BTRC: variants seen among roughly 807,000 people sequenced by gnomAD.
The protein encoded by BTRC is F-box/WD repeat-containing protein 1A.
In BTRC, 42 loss-of-function variants were observed where a neutral mutation model predicts 85.5. The observed-to-expected ratio is 0.49, with a 90% CI of 0.38 to 0.64. The LOEUF is 0.64. Ranked by LOEUF, BTRC falls within the 30% of genes least tolerant of loss-of-function variation. The probability of loss-of-function intolerance (pLI) is 0.00; values close to 1 mark genes in which losing one functional copy is unlikely to be tolerated. For missense variants in BTRC, 594 were observed against 743.5 expected, an observed-to-expected ratio of 0.80 and a Z score of 2.34; for synonymous variants, 255 against 263.3, an observed-to-expected ratio of 0.97 and a Z score of 0.30.
chr10:101,473,086 A>C (rs557547890), intron 3 of BTRC, among the ~76,000 whole-genome samples: 1 of 151,476 alleles, frequency 6.6e-6, no homozygotes, highest in African/African-American at 2.4e-5. Context: ...CCAGCCACGC[A>C]TATATTCTAG....
chr10:101,501,187 CA>C (rs61126147), intron 4 of BTRC, among the ~76,000 whole-genome samples: 70 of 132,464 alleles, frequency 5.3e-4, no homozygotes, highest in East Asian at 6.9e-4. Context: ...GACTGCGTCT[CA>C]AAAAAAAAAA....
chr10:101,537,666 C>T (rs2062407547), intron 12 of BTRC, among the ~76,000 whole-genome samples: 1 of 152,226 alleles, frequency 6.6e-6, no homozygotes, highest in African/African-American at 2.4e-5. Flanking sequence ...TACACTGATA[C>T]ATTCATTAGC....
chr10:101,555,305 T>C lies in BTRC; in HGVS notation c.*2182T>C, dbSNP rs1197935289. The stretch of plus-strand genomic sequence containing the variant: ...TATGCTGCTATTACAAAGTGGAAGC[T>C]GTTGAATGTTTATTGGTGCCCAGGG... On this transcript the variant is annotated 3_prime_UTR_variant, in exon 15 of 15. Transcript: ENST00000370187. 1 of 152,686 alleles carries C rather than the reference T, an allele frequency of 6.5e-6. No homozygotes were observed. The highest frequency in any genetic ancestry group is 1.5e-5 in the Non-Finnish European group (1 of 68,040). 9.5% of individuals were successfully genotyped at this position (152,686 alleles called of 1,614,324 possible).
In BTRC at chr10:101,550,785, C is replaced by G. The variant is rs754701947; in HGVS notation, c.1743C>G (p.Asp581Glu). ...ATGATGACACAATCCTCATCTGGGACTTCCTAAATGATCCAGCTGCCCAAG... is the reference window on the plus strand; with the variant it reads ...ATGATGACACAATCCTCATCTGGGAGTTCCTAAATGATCCAGCTGCCCAAG... Reference protein sequence around the residue: ...SSHDDTILIWDFLNDPAAQAE... With the variant: ...SSHDDTILIWEFLNDPAAQAE... The change falls in exon 14 of 15, where the codon GAC becomes GAG. Residue 581 changes from aspartate to glutamate, a missense_variant. By Grantham distance (45) the Asp-to-Glu change is conservative (BLOSUM62 2). Coordinates refer to ENST00000370187, the MANE Select transcript of BTRC (RefSeq NM_033637.4). The G allele has an allele frequency of 1.9e-6, 3 of 1,614,100 alleles. No homozygotes were observed. Among genetic ancestry groups the G allele is most frequent in the Non-Finnish European group, 2.5e-6 (3 of 1,179,986 alleles).
chr10:101,411,323 G>A (rs1287749854), intron 1 of BTRC, among the ~76,000 whole-genome samples: 1 of 151,976 alleles, frequency 6.6e-6, no homozygotes, highest in African/African-American at 2.4e-5. Context: ...GTTTTGTATG[G>A]GTTGGTCTAT....
chr10:101,515,367 C>T (rs1420769233), intron 4 of BTRC, among the ~76,000 whole-genome samples: 1 of 152,110 alleles, frequency 6.6e-6, no homozygotes, highest in Non-Finnish European at 1.5e-5. Flanking sequence ...ATTGCACTAA[C>T]TCTATAGGTT....
chr10:101,535,018 A>G, intron 10 of BTRC, 108 bp downstream of exon 10: 3 of 1,307,250 alleles, frequency 2.3e-6, no homozygotes, highest in Non-Finnish European at 3.2e-6. Context: ...AAAATGTAAT[A>G]TTTAATTCAG....
chr10:101,454,270 A>G (rs1945019870), intron 2 of BTRC, among the ~76,000 whole-genome samples: 1 of 152,224 alleles, frequency 6.6e-6, no homozygotes, highest in African/African-American at 2.4e-5. Context: ...CTTACTGGTT[A>G]GTCGAAAGTA....
At chr10:101,415,392 TC>T (rs1943904360) in intron 1 of BTRC, among the ~76,000 whole-genome samples, 1 of 151,610 alleles carries the variant, frequency 6.6e-6, no homozygotes, top group South Asian at 2.1e-4. Flanking sequence ...CCCAGGCTGG[TC>T]TTGAACTCCT....
At chr10:101,390,899 A>G (rs929994808) in intron 1 of BTRC, among the ~76,000 whole-genome samples, 5 of 152,188 alleles carry the variant, frequency 3.3e-5, no homozygotes, top group Non-Finnish European at 7.3e-5. Flanking sequence ...AAGATAGATT[A>G]ATTTTATACT....
At chr10:101,464,298 T>C (rs1945310345) in intron 3 of BTRC, among the ~76,000 whole-genome samples, 1 of 152,150 alleles carries the variant, frequency 6.6e-6, no homozygotes, top group Non-Finnish European at 1.5e-5. Flanking sequence ...TACTTCAAAC[T>C]GAAGCAAGAG....
rs1320394346 is a variant in BTRC at position 101,554,504 on chromosome 10, C to T, written c.*1381C>T. On this transcript the variant is annotated 3_prime_UTR_variant, in exon 15 of 15. Transcript: ENST00000370187. ...GTCAACCTTGCACTGCACAACCTTC[C>T]TTCTGCTTCTCCCACACCCAGTATT... The T allele has an allele frequency of 6.6e-6, 1 of 152,656 alleles. No homozygotes were observed. The highest frequency in any genetic ancestry group is 2.4e-5 in the African/African-American group (1 of 41,452). 9.5% of individuals were successfully genotyped at this position (152,656 alleles called of 1,614,324 possible).
intron 7 of BTRC, 34 bp from the exon 8 acceptor site, chr10:101,532,261 C>T (rs748217748): frequency 6.3e-7 from 1 of 1,588,862 alleles, no homozygotes; most frequent in Non-Finnish European, 8.6e-7. Context: ...TAGGTGTTTC[C>T]TAACACTGCC....
At chr10:101,541,434 T>A (rs2062467185) in intron 13 of BTRC, among the ~76,000 whole-genome samples, 1 of 152,154 alleles carries the variant, frequency 6.6e-6, no homozygotes, top group Non-Finnish European at 1.5e-5. Context: ...TGATTTTTTG[T>A]ATTTTTTAGT....
At chr10:101,431,162 C>T (rs1471465967) in intron 2 of BTRC, among the ~76,000 whole-genome samples, 8 of 144,404 alleles carry the variant, frequency 5.5e-5, no homozygotes, top group East Asian at 2.0e-4. Flanking sequence ...CTGCATCCTG[C>T]GCCTCCTGGG....
chr10:101,479,039 T>C (rs1285434710), intron 3 of BTRC, among the ~76,000 whole-genome samples: 3 of 152,084 alleles, frequency 2.0e-5, no homozygotes, highest in African/African-American at 7.2e-5. Flanking sequence ...AAATCTTTTC[T>C]CAGAACGGTA....
chr10:101,480,424 G>A lies in BTRC; in HGVS notation c.324+967G>A, dbSNP rs143888829. Among the ~76,000 whole-genome samples the A allele has an allele frequency of 1.8e-3, 281 of 152,214 alleles. 1 individual carries two copies. Among genetic ancestry groups the A allele is most frequent in the Non-Finnish European group, 3.3e-3 (226 of 68,006 alleles). On this transcript the variant is annotated intron_variant, in intron 4 of 14. Coordinates refer to ENST00000370187, the MANE Select transcript of BTRC (RefSeq NM_033637.4). ...ACAAAACTAATTTTTTTCTTATAGG[G>A]GCTGAGAAGTCCAAGATGAGAGCAC...
At chr10:101,429,475 G>A (rs1218277701) in intron 1 of BTRC, among the ~76,000 whole-genome samples, 1 of 150,014 alleles carries the variant, frequency 6.7e-6, no homozygotes, top group Non-Finnish European at 1.5e-5. Flanking sequence ...CAGCTTTCTA[G>A]GTGTCGTCTT....
intron 3 of BTRC, among the ~76,000 whole-genome samples, chr10:101,469,447 G>A (rs1372771117): frequency 6.6e-6 from 1 of 152,026 alleles, no homozygotes; most frequent in Non-Finnish European, 1.5e-5. Context: ...TCTATCTAAT[G>A]GTCCCCTAAA....
Sources: gnomAD v4.1 joint callset for allele counts (sites outside exome capture counted in the v4.1 genomes callset) on GRCh38, gnomAD v4.1.1 for gene constraint, MANE v1.5 for transcripts, NCBI Gene and HGNC (gene_info 2026-07-23, HGNC 2026-07-21) for gene names.